FBLN2: variants seen among roughly 807,000 people sequenced by gnomAD.
FBLN2 encodes fibulin-2.
Under a neutral mutation model 123.7 loss-of-function variants are expected in FBLN2, and 81 were observed. That is an observed-to-expected ratio of 0.65 (90% confidence interval 0.55 to 0.79). FBLN2 has a LOEUF of 0.79. Ranked by LOEUF, FBLN2 falls within the 30% of genes least tolerant of loss-of-function variation. The pLI is 0.00. For synonymous variants in FBLN2, 699 were observed against 701.4 expected, an observed-to-expected ratio of 1.00 and a Z score of 0.05; for missense variants, 1,603 against 1,681.3, an observed-to-expected ratio of 0.95 and a Z score of 0.81.
At chr3:13,564,747 C>G (rs1032734512) in intron 1 of FBLN2, among the ~76,000 whole-genome samples, 7 of 152,230 alleles carry the variant, frequency 4.6e-5, no homozygotes, top group African/African-American at 1.7e-4. Flanking sequence ...CTGGGGATGT[C>G]CCCCCAGGTG....
intron 2 of FBLN2, among the ~76,000 whole-genome samples, chr3:13,583,602 C>T (rs1026971799): frequency 1.3e-5 from 2 of 152,254 alleles, no homozygotes; most frequent in Non-Finnish European, 1.5e-5. Context: ...GCTCTGCACT[C>T]GCCCCCCTGC....
At chr3:13,624,389 C>T (rs909017670) in intron 9 of FBLN2, among the ~76,000 whole-genome samples, 1 of 152,182 alleles carries the variant, frequency 6.6e-6, no homozygotes, top group Non-Finnish European at 1.5e-5. Flanking sequence ...ATGGGCATTT[C>T]TGGGGTCCTG....
chr3:13,633,479 G>A (rs1048196626), intron 16 of FBLN2, among the ~76,000 whole-genome samples: 5 of 152,246 alleles, frequency 3.3e-5, no homozygotes, highest in African/African-American at 1.2e-4. Flanking sequence ...CTCACATGGT[G>A]GGCAAGGGCA....
intron 2 of FBLN2, among the ~76,000 whole-genome samples, chr3:13,578,999 G>A (rs1704235445): frequency 6.6e-6 from 1 of 152,252 alleles, no homozygotes; most frequent in Non-Finnish European, 1.5e-5. Context: ...AGGTTGTGGT[G>A]AGCCACGATC....
At chr3:13,622,038 C>T (rs529151199) in intron 9 of FBLN2, 123 bp downstream of exon 9, 194 of 1,150,958 alleles carry the variant, frequency 1.7e-4, no homozygotes, top group Non-Finnish European at 2.0e-4. Flanking sequence ...TCAGCACAGC[C>T]GGCATCTCCG....
intron 2 of FBLN2, among the ~76,000 whole-genome samples, chr3:13,602,793 A>G (rs1705075633): frequency 6.6e-6 from 1 of 152,192 alleles, no homozygotes; most frequent in Admixed American, 6.5e-5. Flanking sequence ...TATTAATTCT[A>G]ATACTTTGTG....
chr3:13,600,036 A>AGAGAGAGC (rs1704975100), intron 2 of FBLN2, among the ~76,000 whole-genome samples: 10 of 144,608 alleles, frequency 6.9e-5, no homozygotes, highest in African/African-American at 2.8e-4. Flanking sequence ...AGAGAGAGAG[A>AGAGAGAGC]GAGAGAGAGC....
chr3:13,595,905 A>G (rs900930223), intron 2 of FBLN2, among the ~76,000 whole-genome samples: 32 of 152,218 alleles, frequency 2.1e-4, no homozygotes, highest in African/African-American at 7.5e-4. Context: ...CTCCCTCCCC[A>G]GGGCTGAGTC....
At chr3:13,570,094 C>T (rs570856429) in intron 1 of FBLN2, among the ~76,000 whole-genome samples, 2 of 152,272 alleles carry the variant, frequency 1.3e-5, no homozygotes, top group East Asian at 3.9e-4. Context: ...TCCAGGTCAA[C>T]ACCTGTGGCG....
rs201310347 is a variant in FBLN2, at chr3:13,619,008, A to G, written c.2044A>G (p.Thr682Ala). The stretch of plus-strand genomic sequence containing the variant: ...CCCGCTGCCACTGCCGCAGCCCAAT[A>G]CCTGCAAAGGTAAGCAGTGTGGGTG... ...TIPLPLPQPN[T>A]CKDNGPCKQV... Residue 682 changes from threonine to alanine, a missense_variant, in exon 7 of 18, where the codon ACC becomes GCC. By Grantham distance (58) the Thr-to-Ala change is moderately conservative. Coordinates refer to ENST00000404922, the MANE Select transcript of FBLN2 (RefSeq NM_001004019.2). 316 of 1,609,450 alleles carry G rather than the reference A, an allele frequency of 2.0e-4. 1 individual carries two copies. In the African/African-American group the frequency reaches 3.4e-3, roughly 17 times the overall value.
intron 2 of FBLN2, among the ~76,000 whole-genome samples, chr3:13,572,647 C>A (rs779836240): frequency 8.5e-5 from 13 of 152,252 alleles, no homozygotes; most frequent in African/African-American, 1.2e-4. Context: ...TCTTGCCCAT[C>A]CATGCCTGCT....
At chr3:13,573,894 C>CAAAAAA (rs34768387) in intron 2 of FBLN2, among the ~76,000 whole-genome samples, 1 of 72,920 alleles carries the variant, frequency 1.4e-5, no homozygotes, top group Non-Finnish European at 2.9e-5. Flanking sequence ...GAGTGAAACT[C>CAAAAAA]AAAAAAAAAA....
In FBLN2 at chr3:13,571,385, G is replaced by T. The variant is rs1302288626; in HGVS notation, c.1030G>T (p.Ala344Ser). The change falls in exon 2 of 18, where the codon GCC becomes TCC. Residue 344 changes from alanine (A) to serine (S), a missense_variant. Coordinates refer to ENST00000404922, the MANE Select transcript of FBLN2 (RefSeq NM_001004019.2). ...GCCTGAAGAGAACCTCATCCTGGATGCCCAAGCCACGTCCCGCAGCACTGG... is the reference window on the plus strand; with the variant it reads ...GCCTGAAGAGAACCTCATCCTGGATTCCCAAGCCACGTCCCGCAGCACTGG... ...ARPEENLILD[A>S]QATSRSTGPE... is the part of the protein sequence containing the mutation. 1 of 1,612,890 alleles carries T rather than the reference G, an allele frequency of 6.2e-7. No individual in the cohort carries two copies. The highest frequency in any genetic ancestry group is 1.7e-5 in the Admixed American group (1 of 59,876).
In FBLN2 at chr3:13,628,897, C is replaced by T; in HGVS notation, c.2570-8C>T. Reference sequence around the variant, plus strand: ...CGGGCTCCCTGTCACCTACACCTGCCTCTGCAGACATCAACGAGTGCACGT... The same window carrying T: ...CGGGCTCCCTGTCACCTACACCTGCTTCTGCAGACATCAACGAGTGCACGT... On this transcript the variant is annotated splice_region_variant and splice_polypyrimidine_tract_variant and intron_variant, in intron 11 of 17. Transcript: ENST00000404922. 2 of 1,612,234 alleles carry T rather than the reference C, an allele frequency of 1.2e-6. No individual in the cohort carries two copies. Among genetic ancestry groups the T allele is most frequent in the African/African-American group, 2.7e-5 (2 of 75,000 alleles).
intron 14 of FBLN2, 70 bp from the exon 15 acceptor site, chr3:13,630,629 G>C: frequency 1.5e-6 from 2 of 1,320,092 alleles, no homozygotes. Context: ...CTGGCTGTCA[G>C]ACAGCATTTG....
In FBLN2 at chr3:13,637,818, C is replaced by G; in HGVS notation, c.3595C>G (p.Arg1199Gly). The change falls in exon 18 of 18, where the codon CGG becomes GGG. Residue 1199 changes from arginine to glycine, a missense_variant. Physicochemically the swap from Arg to Gly is moderately radical, Grantham distance 125 (BLOSUM62 -2). Transcript: ENST00000404922. ...VYLQRAVLEP[R>G]DFALDVEMKL... Reference sequence around the variant, plus strand: ...CCTGCAGCGGGCCGTGCTGGAGCCCCGGGACTTTGCCCTGGACGTGGAGAT... The same window carrying G: ...CCTGCAGCGGGCCGTGCTGGAGCCCGGGGACTTTGCCCTGGACGTGGAGAT... 6.2e-7 allele frequency: 1 copy of G among 1,613,766 alleles called. No homozygotes were observed. Among genetic ancestry groups the G allele is most frequent in the Non-Finnish European group, 8.5e-7 (1 of 1,179,738 alleles).
At position 13,622,264 on chromosome 3, in the gene FBLN2, C is replaced by T. The variant is rs1284462113; in HGVS notation, c.2296+349C>T. On this transcript the variant is annotated intron_variant, in intron 9 of 17. Coordinates refer to ENST00000404922, the MANE Select transcript of FBLN2 (RefSeq NM_001004019.2). ...GGGGTCTGGAGGCAGGAGGCCTAGCCAAGCAGGACCCCCAGAAGCTCCGTG... is the reference window on the plus strand; with the variant it reads ...GGGGTCTGGAGGCAGGAGGCCTAGCTAAGCAGGACCCCCAGAAGCTCCGTG... 2.6e-5 allele frequency among the ~76,000 whole-genome samples: 4 copies of T among 152,172 alleles called. No homozygotes were observed. In the East Asian group the frequency reaches 7.7e-4, roughly 29 times the overall value.
At chr3:13,637,454 G>A (rs1184488387) in intron 17 of FBLN2, 108 bp from the exon 18 acceptor site, 3 of 1,020,320 alleles carry the variant, frequency 2.9e-6, no homozygotes, top group Non-Finnish European at 4.2e-6. Flanking sequence ...CGGCCATTAG[G>A]GAGAGAGCTG....
chr3:13,597,598 G>T (rs1160320544), intron 2 of FBLN2, among the ~76,000 whole-genome samples: 1 of 152,220 alleles, frequency 6.6e-6, no homozygotes, highest in African/African-American at 2.4e-5. Flanking sequence ...TGAGGTGGCT[G>T]GCATCATGTG....
Sources: gnomAD v4.1 joint callset for allele counts (sites outside exome capture counted in the v4.1 genomes callset) on GRCh38, gnomAD v4.1.1 for gene constraint, MANE v1.5 for transcripts, NCBI Gene and HGNC (gene_info 2026-07-23, HGNC 2026-07-21) for gene names.